Variants in RUFY3 observed in about 807,000 individuals in gnomAD.
The protein encoded by RUFY3 is RUN and FYVE domain containing 3, also known as protein RUFY3.
A neutral mutation model predicts 84.0 loss-of-function variants in RUFY3; 34 were observed. The ratio of observed to expected loss-of-function variants is 0.40; its 90% CI spans 0.31 to 0.54. The LOEUF is 0.54. Ranked by LOEUF, RUFY3 falls within the 20% of genes least tolerant of loss-of-function variation. The pLI is 0.39. For synonymous variants in RUFY3, 242 were observed against 252.9 expected (o/e 0.96, Z 0.41); for missense variants, 507 against 736.8 (o/e 0.69, Z 3.61).
chr4:70,806,384 C>T (rs1732849702), intron 17 of RUFY3, 132 bp from the exon 18 acceptor site: 3 of 1,036,708 alleles, frequency 2.9e-6, no homozygotes, highest in African/African-American at 1.6e-5. Flanking sequence ...TCAGATACTA[C>T]CTGGCACATA....
chr4:70,746,593 C>T (rs1017986014), intron 1 of RUFY3, among the ~76,000 whole-genome samples: 2 of 151,416 alleles, frequency 1.3e-5, no homozygotes, highest in Non-Finnish European at 2.9e-5. Flanking sequence ...ATTCCAAGCA[C>T]TTCTAAATGG....
intron 1 of RUFY3, among the ~76,000 whole-genome samples, chr4:70,733,724 A>C (rs1421546041): frequency 6.6e-6 from 1 of 152,208 alleles, no homozygotes; most frequent in Non-Finnish European, 1.5e-5. Context: ...CATATTTACT[A>C]TAGTCACAAT....
intron 10 of RUFY3, among the ~76,000 whole-genome samples, chr4:70,785,795 C>T (rs961835090): frequency 3.3e-5 from 5 of 152,134 alleles, no homozygotes; most frequent in African/African-American, 9.7e-5. Flanking sequence ...AAGATTGTAT[C>T]ACTGCACTCC....
chr4:70,784,343 C>G (rs1729429929), intron 9 of RUFY3, among the ~76,000 whole-genome samples: 1 of 152,036 alleles, frequency 6.6e-6, no homozygotes, highest in Non-Finnish European at 1.5e-5. Context: ...ATTAGCCGGG[C>G]GTGGTGGCGC....
chr4:70,801,965 G>C (rs993438191), intron 15 of RUFY3, among the ~76,000 whole-genome samples: 1 of 152,178 alleles, frequency 6.6e-6, no homozygotes, highest in African/African-American at 2.4e-5. Flanking sequence ...TGAGAATATG[G>C]AACAGTGCTT....
intron 1 of RUFY3, among the ~76,000 whole-genome samples, chr4:70,738,098 C>G (rs931293660): frequency 6.6e-6 from 1 of 151,298 alleles, no homozygotes; most frequent in Non-Finnish European, 1.5e-5. Flanking sequence ...ATCCTCCTAC[C>G]TTGGCCTCCC....
At chr4:70,776,385 C>A (rs924009095) in intron 7 of RUFY3, among the ~76,000 whole-genome samples, 5 of 151,846 alleles carry the variant, frequency 3.3e-5, no homozygotes, top group Non-Finnish European at 2.9e-5. Flanking sequence ...GGTTTTTTTC[C>A]CCCTTCAGTT....
chr4:70,781,511 C>A (rs899239739), intron 8 of RUFY3, among the ~76,000 whole-genome samples: 1 of 152,168 alleles, frequency 6.6e-6, no homozygotes, highest in Non-Finnish European at 1.5e-5. Context: ...ATGTCTACTT[C>A]ATTATTGGTA....
chr4:70,747,358 T>C (rs1421813187), intron 1 of RUFY3, among the ~76,000 whole-genome samples: 4 of 152,206 alleles, frequency 2.6e-5, no homozygotes, highest in Admixed American at 2.6e-4. Context: ...AAACAATACA[T>C]AGCCTTACTA....
chr4:70,715,357 G>C (rs1019249399), intron 1 of RUFY3, among the ~76,000 whole-genome samples: 2 of 152,090 alleles, frequency 1.3e-5, no homozygotes, highest in African/African-American at 4.8e-5. Context: ...GCCGAGGCAC[G>C]TGGATCTCTC....
At chr4:70,729,188 C>G (rs1718796422) in intron 1 of RUFY3, among the ~76,000 whole-genome samples, 2 of 152,150 alleles carry the variant, frequency 1.3e-5, no homozygotes, top group Admixed American at 1.3e-4. Context: ...GGACCTGGAC[C>G]TGGATTCAGT....
intron 9 of RUFY3, 67 bp downstream of exon 9, chr4:70,783,250 TCTC>T: frequency 2.1e-6 from 2 of 972,710 alleles, no homozygotes; most frequent in Non-Finnish European, 3.2e-6. Flanking sequence ...TAAAGGGGAG[TCTC>T]TAAAGGACTA....
At chr4:70,764,908 G>T (rs75587075) in intron 4 of RUFY3, among the ~76,000 whole-genome samples, 1,864 of 152,146 alleles carry the variant, frequency 0.012, 32 homozygotes, top group South Asian at 0.056. Context: ...AAAATTGGAC[G>T]GGTGCAGTGG....
chr4:70,743,062 A>T (rs1031028607), intron 1 of RUFY3, among the ~76,000 whole-genome samples: 10 of 151,870 alleles, frequency 6.6e-5, no homozygotes, highest in African/African-American at 2.4e-4. Context: ...TATTATTATT[A>T]TTATTATATT....
chr4:70,730,170 GC>G (rs1719008931), intron 1 of RUFY3, among the ~76,000 whole-genome samples: 1 of 151,802 alleles, frequency 6.6e-6, no homozygotes, highest in African/African-American at 2.4e-5. Context: ...CCTTGAACCT[GC>G]CTCGGCCTCC....
intron 8 of RUFY3, among the ~76,000 whole-genome samples, chr4:70,781,325 A>G (rs1282765547): frequency 3.9e-5 from 6 of 152,016 alleles, no homozygotes; most frequent in Non-Finnish European, 7.4e-5. Context: ...CTCTACACCA[A>G]AAAAATTAGC....
chr4:70,709,951 G>A (rs1320069698), intron 1 of RUFY3, among the ~76,000 whole-genome samples: 5 of 152,152 alleles, frequency 3.3e-5, no homozygotes, highest in African/African-American at 1.2e-4. Context: ...GGCTAGAAGA[G>A]GAATAGAAGA....
At chr4:70,800,361 A>T (rs1732063500) in intron 15 of RUFY3, among the ~76,000 whole-genome samples, 156 bp downstream of exon 15, 1 of 152,178 alleles carries the variant, frequency 6.6e-6, no homozygotes, top group African/African-American at 2.4e-5. Flanking sequence ...TAATAATAAA[A>T]CGTATAACAT....
intron 12 of RUFY3, chr4:70,791,162 T>G: frequency 7.5e-7 from 1 of 1,330,674 alleles, no homozygotes; most frequent in East Asian, 2.3e-5. Context: ...GCTATTTTTG[T>G]GTTTCCTGTT....
Sources: allele counts gnomAD v4.1 joint callset (sites outside exome capture counted in the v4.1 genomes callset), GRCh38; gene constraint gnomAD v4.1.1; transcripts MANE v1.5; gene names NCBI Gene and HGNC (gene_info 2026-07-23, HGNC 2026-07-21).